Variants in CCDC7 observed in about 807,000 individuals in gnomAD.
The protein encoded by CCDC7 is coiled-coil domain containing 7, also known as coiled-coil domain-containing protein 7.
CCDC7 carries 183 observed loss-of-function variants against 196.9 expected under a neutral mutation model. The observed-to-expected ratio is 0.93, with a 90% CI of 0.82 to 1.05. The LOEUF (loss-of-function observed/expected upper bound fraction) is 1.05. Ranked by LOEUF, CCDC7 falls within the 50% of genes least tolerant of loss-of-function variation. CCDC7 has a pLI of 0.00. For missense variants in CCDC7, 1,540 were observed against 1,482.2 expected (o/e 1.04, Z -0.64); for synonymous variants, 525 against 484.6 (o/e 1.08, Z -1.10).
At chr10:32,819,550 C>T (rs1271598199) in intron 31 of CCDC7, among the ~76,000 whole-genome samples, 22 of 152,056 alleles carry the variant, frequency 1.4e-4, no homozygotes, top group African/African-American at 5.1e-4. Flanking sequence ...TCATGAACAT[C>T]GATGCAAAAA....
Position 32,471,473 on chromosome 10 carries a change from C to T in CCDC7, c.677+243C>T, listed in dbSNP as rs111642090. Among the ~76,000 whole-genome samples, 522 of 152,178 alleles carry T rather than the reference C, an allele frequency of 3.4e-3. 2 individuals carry two copies. The highest frequency in any genetic ancestry group is 0.012 in the African/African-American group (482 of 41,534). On this transcript the variant is annotated intron_variant, in intron 6 of 41. Coordinates refer to ENST00000639629, the Ensembl canonical transcript of CCDC7. ...AAATCAGTTTCTTAGTCACACTAGC[C>T]GCATTTAAAGTGCTTAGTACCTACA...
At chr10:32,490,912 G>T (rs185602861) in intron 8 of CCDC7, among the ~76,000 whole-genome samples, 119 of 152,176 alleles carry the variant, frequency 7.8e-4, no homozygotes, top group African/African-American at 2.7e-3. Context: ...TACGAAGCTG[G>T]CTTCTCCCAG....
intron 11 of CCDC7, among the ~76,000 whole-genome samples, chr10:32,528,140 T>G (rs1186812619): frequency 1.9e-4 from 29 of 152,216 alleles, no homozygotes; most frequent in Admixed American, 1.9e-3. Flanking sequence ...TATGTCTGGC[T>G]TGTTTCACTT....
intron 9 of CCDC7, among the ~76,000 whole-genome samples, chr10:32,507,997 A>G (rs958441324): frequency 2.6e-5 from 4 of 152,234 alleles, no homozygotes; most frequent in African/African-American, 9.6e-5. Flanking sequence ...ATTCTATTCA[A>G]TGTAGTACCA....
chr10:32,531,441 G>A (rs2049641598), intron 11 of CCDC7, among the ~76,000 whole-genome samples: 1 of 152,078 alleles, frequency 6.6e-6, no homozygotes, highest in Non-Finnish European at 1.5e-5. Flanking sequence ...ATCTTTAAAG[G>A]TGTTGTTGAA....
chr10:32,819,679 C>T (rs1390631976), intron 31 of CCDC7, among the ~76,000 whole-genome samples: 7 of 152,106 alleles, frequency 4.6e-5, no homozygotes, highest in African/African-American at 1.2e-4. Context: ...AATCAATAAA[C>T]GTGATCCAGC....
chr10:32,725,589 T>C (rs1197923826), intron 25 of CCDC7, among the ~76,000 whole-genome samples: 3 of 152,140 alleles, frequency 2.0e-5, no homozygotes, highest in African/African-American at 7.2e-5. Flanking sequence ...AGAGGCTTAT[T>C]TGGCTCATGG....
chr10:32,688,339 CATATTT>C (rs1180139826), intron 22 of CCDC7, among the ~76,000 whole-genome samples: 5 of 152,142 alleles, frequency 3.3e-5, no homozygotes, highest in African/African-American at 1.2e-4. Context: ...ATGCCAGGGA[CATATTT>C]AGAGTTAACA....
intron 28 of CCDC7, among the ~76,000 whole-genome samples, chr10:32,744,621 T>C (rs11009060): frequency 0.027 from 4,103 of 152,356 alleles, 69 homozygotes; most frequent in Non-Finnish European, 0.039. Flanking sequence ...ATGTCTTCTT[T>C]GGTAAGATGT....
chr10:32,483,717 C>T (rs1036732320), intron 8 of CCDC7, among the ~76,000 whole-genome samples: 8 of 152,018 alleles, frequency 5.3e-5, no homozygotes, highest in African/African-American at 1.7e-4. Flanking sequence ...TACATATGGC[C>T]AGCCAGTTTT....
At chr10:32,799,534 A>G (rs1176398451) in intron 29 of CCDC7, among the ~76,000 whole-genome samples, 1 of 152,196 alleles carries the variant, frequency 6.6e-6, no homozygotes, top group Admixed American at 6.5e-5. Context: ...CCAAAATCCA[A>G]ATAGGCCCAC....
intron 13 of CCDC7, among the ~76,000 whole-genome samples, chr10:32,561,753 G>A (rs1257417859): frequency 6.6e-6 from 1 of 152,122 alleles, no homozygotes; most frequent in Non-Finnish European, 1.5e-5. Flanking sequence ...AGAAAAGCAA[G>A]AGCAAACACA....
chr10:32,708,257 C>T (rs1358223773), intron 24 of CCDC7, among the ~76,000 whole-genome samples: 1 of 152,154 alleles, frequency 6.6e-6, no homozygotes, highest in East Asian at 1.9e-4. Context: ...GCTAGGAAAA[C>T]TGGCTAGCCA....
chr10:32,788,007 C>G (rs1017743082), intron 29 of CCDC7, among the ~76,000 whole-genome samples: 2 of 152,186 alleles, frequency 1.3e-5, no homozygotes, highest in Admixed American at 6.5e-5. Context: ...GTGATCCCAG[C>G]CTTCAGGCCC....
At position 32,872,677 on chromosome 10, in the gene CCDC7, C is replaced by T. The variant is rs554155856; in HGVS notation, c.4112-3670C>T. ...GGCATGTTTTTGCAGTGGCTGGTAC[C>T]GGTTGTTCCTTTCCATGTTTAGTGC... On this transcript the variant is annotated intron_variant, in intron 41 of 41. Coordinates refer to ENST00000639629, the Ensembl canonical transcript of CCDC7. Among the ~76,000 whole-genome samples, 450 of 151,932 alleles carry T rather than the reference C, an allele frequency of 3.0e-3. 4 individuals carry two copies. Among genetic ancestry groups the T allele is most frequent in the African/African-American group, 6.5e-3 (268 of 41,442 alleles).
intron 30 of CCDC7, among the ~76,000 whole-genome samples, chr10:32,809,717 G>A (rs890893112): frequency 2.0e-5 from 3 of 152,168 alleles, no homozygotes; most frequent in Non-Finnish European, 4.4e-5. Context: ...TCATTAAAAA[G>A]TCAGAAAACA....
At chr10:32,448,027 T>C (rs141318676), upstream of CCDC7, among the ~76,000 whole-genome samples, 7 of 152,346 alleles carry the variant, frequency 4.6e-5, no homozygotes, top group East Asian at 1.3e-3. Flanking sequence ...CAAATGGATT[T>C]TTAGTGACAA....
At chr10:32,760,883 T>G (rs1033997354) in intron 28 of CCDC7, among the ~76,000 whole-genome samples, 2 of 151,920 alleles carry the variant, frequency 1.3e-5, no homozygotes, top group Non-Finnish European at 2.9e-5. Context: ...AAATAGAAGA[T>G]AGAAGTATGC....
intron 25 of CCDC7, among the ~76,000 whole-genome samples, chr10:32,720,838 T>G (rs1186655726): frequency 6.6e-6 from 1 of 152,094 alleles, no homozygotes; most frequent in Non-Finnish European, 1.5e-5. Flanking sequence ...GATTGTATAA[T>G]CCCAGCACTT....
Sources: gnomAD v4.1 joint callset for allele counts (sites outside exome capture counted in the v4.1 genomes callset) on GRCh38, gnomAD v4.1.1 for gene constraint, MANE v1.5 for transcripts, NCBI Gene and HGNC (gene_info 2026-07-23, HGNC 2026-07-21) for gene names.